ANKFY1: variants seen among roughly 807,000 people sequenced by gnomAD.
ANKFY1 encodes ankyrin repeat and FYVE domain containing 1.
In ANKFY1, 47 loss-of-function variants were observed where a neutral mutation model predicts 128.3. The ratio of observed to expected loss-of-function variants is 0.37; its 90% CI spans 0.29 to 0.47. ANKFY1 has a LOEUF of 0.47. Among genes scored for constraint, ANKFY1 ranks in the 20% least tolerant of loss-of-function variants. The probability of loss-of-function intolerance (pLI) is 1.00; values close to 1 mark genes in which losing one functional copy is unlikely to be tolerated. For missense variants in ANKFY1, 1,222 were observed against 1,510.6 expected, an observed-to-expected ratio of 0.81 and a Z score of 3.17; for synonymous variants, 553 against 601.6, an observed-to-expected ratio of 0.92 and a Z score of 1.18.
intron 6 of ANKFY1, 67 bp from the exon 7 acceptor site, chr17:4,206,553 A>G (rs1243494325): frequency 7.0e-7 from 1 of 1,426,928 alleles, no homozygotes; most frequent in Admixed American, 1.8e-5. Context: ...AATTTCTCCC[A>G]CCTTGACCCT....
At chr17:4,240,893 T>C (rs867347157) in intron 2 of ANKFY1, among the ~76,000 whole-genome samples, 6 of 152,336 alleles carry the variant, frequency 3.9e-5, no homozygotes, top group South Asian at 2.1e-4. Flanking sequence ...CTAAATCCTC[T>C]GTATTTCCTC....
At chr17:4,202,743 T>C (rs1473529718) in intron 7 of ANKFY1, among the ~76,000 whole-genome samples, 1 of 128,414 alleles carries the variant, frequency 7.8e-6, no homozygotes, top group Non-Finnish European at 1.7e-5. Context: ...ACAGTAAAGC[T>C]AAGAAAAGAT....
At chr17:4,208,972 T>C (rs1166652673) in intron 5 of ANKFY1, among the ~76,000 whole-genome samples, 1 of 151,708 alleles carries the variant, frequency 6.6e-6, no homozygotes, top group Non-Finnish European at 1.5e-5. Context: ...GGCAGGAGAA[T>C]CGCTTGAACC....
intron 1 of ANKFY1, among the ~76,000 whole-genome samples, chr17:4,245,530 T>C (rs1453178753): frequency 6.6e-6 from 1 of 151,418 alleles, no homozygotes; most frequent in Non-Finnish European, 1.5e-5. Flanking sequence ...TTTGGAGAGA[T>C]GGGCCTTGCT....
At chr17:4,208,157 C>G in intron 5 of ANKFY1, 75 bp from the exon 6 acceptor site, 1 of 1,431,410 alleles carries the variant, frequency 7.0e-7, no homozygotes, top group Non-Finnish European at 9.4e-7. Flanking sequence ...GCAAGCCTCT[C>G]AAATGCATCA....
At chr17:4,250,537 C>T (rs929630694) in intron 1 of ANKFY1, among the ~76,000 whole-genome samples, 1 of 152,284 alleles carries the variant, frequency 6.6e-6, no homozygotes, top group African/African-American at 2.4e-5. Flanking sequence ...TTATATACTA[C>T]GCTCATGGAT....
chr17:4,177,441 G>A, intron 18 of ANKFY1, 139 bp from the exon 19 acceptor site: 3 of 727,026 alleles, frequency 4.1e-6, no homozygotes, highest in Admixed American at 3.5e-5. Context: ...TCCCAAGAAT[G>A]AACATGAAAC....
chr17:4,173,119 G>A (rs2059352129), intron 21 of ANKFY1, among the ~76,000 whole-genome samples: 1 of 152,262 alleles, frequency 6.6e-6, no homozygotes, highest in African/African-American at 2.4e-5. Flanking sequence ...GACTCCCGAA[G>A]TGCTGGGATT....
At position 4,164,491 on chromosome 17, in the gene ANKFY1, A is replaced by G. The variant is rs557827291; in HGVS notation, c.*3288T>C. 6.6e-6 allele frequency: 1 copy of G among 152,496 alleles called. No homozygotes were observed. The highest frequency in any genetic ancestry group is 2.1e-4 in the South Asian group (1 of 4,830). The allele number at this position is 152,496 out of a possible 1,614,324, so 9.4% of individuals were successfully genotyped here. ...CTGGGGTGGGGAGCTTTGGTGCTTC[A>G]GGTAGTTCTTCTGGGACTTGTCCCA... is the stretch of plus-strand genomic sequence containing the variant. On this transcript the variant is annotated 3_prime_UTR_variant, in exon 25 of 25. Coordinates refer to ENST00000341657, the MANE Select transcript of ANKFY1 (RefSeq NM_001330063.2).
At chr17:4,238,091 C>T (rs1311032427) in intron 2 of ANKFY1, among the ~76,000 whole-genome samples, 11 of 147,114 alleles carry the variant, frequency 7.5e-5, no homozygotes, top group Non-Finnish European at 1.6e-4. Context: ...CTTTGGGAGG[C>T]CAGGACTAGG....
chr17:4,189,542 C>A, intron 10 of ANKFY1, 63 bp from the exon 11 acceptor site: 5 of 1,390,740 alleles, frequency 3.6e-6, no homozygotes, highest in Non-Finnish European at 4.9e-6. Flanking sequence ...CGCTGCACAA[C>A]ACCCTGCTCT....
intron 2 of ANKFY1, among the ~76,000 whole-genome samples, chr17:4,239,971 T>C (rs991852004): frequency 2.6e-5 from 4 of 152,150 alleles, no homozygotes; most frequent in Admixed American, 1.3e-4. Flanking sequence ...CAATTCAGTC[T>C]TTCATCATTG....
intron 7 of ANKFY1, among the ~76,000 whole-genome samples, 180 bp downstream of exon 7, chr17:4,206,141 G>A (rs1225513438): frequency 1.3e-5 from 2 of 152,180 alleles, no homozygotes; most frequent in African/African-American, 4.8e-5. Context: ...AACTAACACG[G>A]CATAGGCAAC....
intron 3 of ANKFY1, among the ~76,000 whole-genome samples, chr17:4,233,364 CT>C (rs1387692440): frequency 1.3e-5 from 2 of 150,696 alleles, no homozygotes; most frequent in Non-Finnish European, 3.0e-5. Flanking sequence ...AAACACTATG[CT>C]TTAAAAAAAA....
intron 1 of ANKFY1, chr17:4,263,481 T>TC: frequency 2.4e-6 from 1 of 409,928 alleles, no homozygotes; most frequent in South Asian, 2.0e-5. Flanking sequence ...CCACCCCACC[T>TC]CACCCCAACC....
At position 4,169,423 on chromosome 17, in the gene ANKFY1, T is replaced by C. The variant is rs1462809309; in HGVS notation, c.3287-135A>G. On this transcript the variant is annotated intron_variant, in intron 23 of 24. Transcript: ENST00000341657. This position sits in a 1 kb window ranked among gnomAD's most constrained non-coding sequence, Gnocchi z 5.0. ...CATGACATAGGTGACGAAGGAGCGA[T>C]AGGTTCTAAGTGGTTCAGGGCCAGC... 3.0e-6 allele frequency: 2 copies of C among 670,414 alleles called. No individual in the cohort carries two copies. Among genetic ancestry groups the C allele is most frequent in the East Asian group, 2.8e-5 (1 of 36,142 alleles). 41.5% of individuals were successfully genotyped at this position (670,414 alleles called of 1,614,324 possible). A position where few individuals can be genotyped will look rare whatever the true frequency, so the allele number is the denominator to read the frequency against.
At position 4,167,767 on chromosome 17, in the gene ANKFY1, C is replaced by G. The variant is rs746343301; in HGVS notation, c.*12G>C. ...TGACCAAGGACGTGGCCTGGACCCT[C>G]CGGGGGGCTCACTAAGAAACCCCAC... On this transcript the variant is annotated 3_prime_UTR_variant, in exon 25 of 25. Coordinates refer to ENST00000341657, the MANE Select transcript of ANKFY1 (RefSeq NM_001330063.2). This position sits in a 1 kb window ranked among gnomAD's most constrained non-coding sequence, Gnocchi z 4.1. 33 of 1,611,388 alleles carry G rather than the reference C, an allele frequency of 2.0e-5. No homozygotes were observed. The South Asian group carries it at 3.5e-4, about 17-fold the overall frequency.
In ANKFY1 at chr17:4,209,458, G is replaced by C. The variant is rs1006853102; in HGVS notation, c.582+366C>G. On this transcript the variant is annotated intron_variant, in intron 5 of 24. Coordinates refer to ENST00000341657, the MANE Select transcript of ANKFY1 (RefSeq NM_001330063.2). ...TGGGACTACAGGCACGCACCACTGA[G>C]CCCAGCTAATTTTTGTATTTTTAGT... Among the ~76,000 whole-genome samples, 4 of 152,298 alleles carry C rather than the reference G, an allele frequency of 2.6e-5. No homozygotes were observed. The East Asian group carries it at 7.7e-4, about 29-fold the overall frequency.
Position 4,184,987 on chromosome 17 carries a change from G to A in ANKFY1, c.1530C>T (p.Leu510=), listed in dbSNP as rs757865989. 13 of 1,613,876 alleles carry A rather than the reference G, an allele frequency of 8.1e-6. No homozygotes were observed. Among genetic ancestry groups the A allele is most frequent in the Non-Finnish European group, 1.1e-5 (13 of 1,180,050 alleles). ...GGTTTGGGTTGGCGCCTTGCTGCAG[G>A]AGCTCTGCCGTGAGGTTGGCCAGGC... is the stretch of plus-strand genomic sequence containing the variant. ...RHGLANLTAE[L]LQQGANPNLQ... is the part of the protein sequence containing the mutation. The change falls in exon 12 of 25, where the codon CTC becomes CTT. Residue 510 remains leucine, a synonymous_variant. Coordinates refer to ENST00000341657, the MANE Select transcript of ANKFY1 (RefSeq NM_001330063.2).
Sources: allele counts gnomAD v4.1 joint callset (sites outside exome capture counted in the v4.1 genomes callset), GRCh38; gene constraint gnomAD v4.1.1; non-coding constraint Gnocchi (gnomAD v3.1); transcripts MANE v1.5; gene names NCBI Gene and HGNC (gene_info 2026-07-23, HGNC 2026-07-21).